NRXN1: variants seen among roughly 807,000 people sequenced by gnomAD.
NRXN1 encodes the protein neurexin 1, also known as neurexin-1.
NRXN1 carries 39 observed loss-of-function variants against 150.9 expected under a neutral mutation model. The ratio of observed to expected loss-of-function variants is 0.26; its 90% CI spans 0.20 to 0.34. The LOEUF (loss-of-function observed/expected upper bound fraction) is 0.34. Ranked by LOEUF, NRXN1 falls within the 10% of genes least tolerant of loss-of-function variation. The pLI, the probability that NRXN1 is intolerant of heterozygous loss-of-function variation, is 1.00. For synonymous variants in NRXN1, 924 were observed against 757.0 expected (o/e 1.22, Z -3.62); for missense variants, 1,815 against 1,949.9 (o/e 0.93, Z 1.30).
At chr2:50,989,749 C>A (rs573066187) in intron 2 of NRXN1, among the ~76,000 whole-genome samples, 5 of 152,034 alleles carry the variant, frequency 3.3e-5, no homozygotes, top group Admixed American at 3.3e-4. Context: ...TAAATAAAAC[C>A]ACTCTAAACG....
At chr2:50,070,541 C>T (rs1356853336) in intron 19 of NRXN1, among the ~76,000 whole-genome samples, 2 of 151,664 alleles carry the variant, frequency 1.3e-5, no homozygotes, top group African/African-American at 2.4e-5. Context: ...GAGGCCGAGG[C>T]GGGCGGATCA....
chr2:50,452,504 A>G (rs889681443), intron 17 of NRXN1, among the ~76,000 whole-genome samples: 1 of 152,206 alleles, frequency 6.6e-6, no homozygotes, highest in Non-Finnish European at 1.5e-5. Context: ...CTGGGATTAC[A>G]GCCGAAGAAT....
chr2:50,698,229 AT>A (rs1693212249), intron 5 of NRXN1, among the ~76,000 whole-genome samples: 1 of 152,172 alleles, frequency 6.6e-6, no homozygotes, highest in African/African-American at 2.4e-5. Context: ...AAGTCCTCAA[AT>A]GTTGTCCAAG....
intron 17 of NRXN1, among the ~76,000 whole-genome samples, chr2:50,304,399 A>C (rs2074426483): frequency 6.6e-6 from 1 of 152,200 alleles, no homozygotes; most frequent in Non-Finnish European, 1.5e-5. Flanking sequence ...TGTGAGCTAA[A>C]AATACTCCAG....
intron 21 of NRXN1, among the ~76,000 whole-genome samples, chr2:50,001,785 G>T (rs187293222): frequency 6.6e-6 from 1 of 152,104 alleles, no homozygotes; most frequent in African/African-American, 2.4e-5. Context: ...AGTAATTTCT[G>T]CCTCCTATAT....
intron 2 of NRXN1, among the ~76,000 whole-genome samples, chr2:50,936,638 G>C (rs1334709917): frequency 6.6e-6 from 1 of 152,024 alleles, no homozygotes; most frequent in Non-Finnish European, 1.5e-5. Flanking sequence ...TTAACACATG[G>C]GGAAAGCACA....
chr2:50,493,097 G>C (rs894327908), intron 15 of NRXN1, among the ~76,000 whole-genome samples: 16 of 152,306 alleles, frequency 1.1e-4, no homozygotes, highest in African/African-American at 3.8e-4. Flanking sequence ...CAGCAGGATG[G>C]AGAGTAAATC....
chr2:50,280,787 C>A (rs892647131), intron 17 of NRXN1, among the ~76,000 whole-genome samples: 4 of 152,144 alleles, frequency 2.6e-5, no homozygotes, highest in African/African-American at 7.2e-5. Context: ...TAGGATGCTC[C>A]TATTGAGCCT....
At chr2:50,296,426 A>C (rs2152950281) in intron 17 of NRXN1, among the ~76,000 whole-genome samples, 1 of 152,236 alleles carries the variant, frequency 6.6e-6, no homozygotes, top group South Asian at 2.1e-4. Flanking sequence ...TATATTGTAT[A>C]ATGGTTGGGC....
chr2:50,701,040 A>C (rs1693669903), intron 5 of NRXN1, among the ~76,000 whole-genome samples: 1 of 152,164 alleles, frequency 6.6e-6, no homozygotes, highest in South Asian at 2.1e-4. Context: ...CAGAAATAAA[A>C]TTTAGTTCTA....
chr2:50,756,060 A>C (rs1161211055), intron 5 of NRXN1, among the ~76,000 whole-genome samples: 14 of 151,820 alleles, frequency 9.2e-5, no homozygotes, highest in Admixed American at 9.2e-4. Context: ...AATTTCATAA[A>C]GAGACTCTGA....
At chr2:49,961,686 T>C (rs1675986839) in intron 21 of NRXN1, among the ~76,000 whole-genome samples, 1 of 152,242 alleles carries the variant, frequency 6.6e-6, no homozygotes, top group Non-Finnish European at 1.5e-5. Flanking sequence ...TTTACATCTC[T>C]AATTTCTGTG....
intron 2 of NRXN1, among the ~76,000 whole-genome samples, chr2:50,932,369 A>G (rs1687877166): frequency 6.6e-6 from 1 of 151,924 alleles, no homozygotes; most frequent in Non-Finnish European, 1.5e-5. Context: ...TCTTTACATT[A>G]AGTTTATGTG....
intron 8 of NRXN1, among the ~76,000 whole-genome samples, chr2:50,563,585 T>C (rs1669428859): frequency 1.3e-5 from 2 of 152,168 alleles, no homozygotes; most frequent in Admixed American, 1.3e-4. Context: ...ACTTTAATGG[T>C]GGCTCTTTTC....
chr2:50,404,378 G>A (rs1363947066), intron 17 of NRXN1, among the ~76,000 whole-genome samples: 5 of 152,218 alleles, frequency 3.3e-5, no homozygotes, highest in Middle Eastern at 3.4e-3. Flanking sequence ...ACACTGAGGT[G>A]TGTGAACTCT....
intron 5 of NRXN1, among the ~76,000 whole-genome samples, chr2:50,826,387 T>C (rs1670449555): frequency 1.3e-5 from 2 of 152,120 alleles, no homozygotes; most frequent in African/African-American, 4.8e-5. Context: ...TGAAGGAAAG[T>C]GAGGTATGAT....
chr2:50,787,143 G>T (rs1258408098), intron 5 of NRXN1, among the ~76,000 whole-genome samples: 5 of 152,144 alleles, frequency 3.3e-5, no homozygotes, highest in African/African-American at 1.2e-4. Context: ...CATCTTTGGA[G>T]AGCTTCGTGA....
At chr2:50,904,891 CCTT>C (rs1683446856) in intron 5 of NRXN1, among the ~76,000 whole-genome samples, 1 of 152,080 alleles carries the variant, frequency 6.6e-6, no homozygotes, top group South Asian at 2.1e-4. Flanking sequence ...GAAGCATAAT[CCTT>C]CTGGGTACTT....
chr2:50,318,681 T>A (rs544881018), intron 17 of NRXN1, among the ~76,000 whole-genome samples: 1 of 152,258 alleles, frequency 6.6e-6, no homozygotes, highest in East Asian at 1.9e-4. Flanking sequence ...AAACTACTAT[T>A]ATTCCATTTA....
Sources: gnomAD v4.1 joint callset for allele counts (sites outside exome capture counted in the v4.1 genomes callset) on GRCh38, gnomAD v4.1.1 for gene constraint, MANE v1.5 for transcripts, NCBI Gene and HGNC (gene_info 2026-07-23, HGNC 2026-07-21) for gene names.